TIAM1: variants seen among roughly 807,000 people sequenced by gnomAD.
The protein encoded by TIAM1 is rho guanine nucleotide exchange factor TIAM1.
A neutral mutation model predicts 163.5 loss-of-function variants in TIAM1; 65 were observed. The ratio of observed to expected loss-of-function variants is 0.40; its 90% CI spans 0.33 to 0.49. TIAM1 has a LOEUF of 0.49. Among genes scored for constraint, TIAM1 ranks in the 20% least tolerant of loss-of-function variants. TIAM1 has a pLI of 0.77. For synonymous variants in TIAM1, 833 were observed against 810.1 expected, an observed-to-expected ratio of 1.03 and a Z score of -0.48; for missense variants, 1,789 against 2,044.7, an observed-to-expected ratio of 0.87 and a Z score of 2.41.
At chr21:31,392,795 G>A (rs182017896) in intron 2 of TIAM1, among the ~76,000 whole-genome samples, 60 of 151,992 alleles carry the variant, frequency 3.9e-4, no homozygotes, top group African/African-American at 1.4e-3. Flanking sequence ...AGTGGGTTAA[G>A]AGAGACTGGC....
At chr21:31,510,116 T>C (rs2147469316) in intron 1 of TIAM1, among the ~76,000 whole-genome samples, 1 of 152,344 alleles carries the variant, frequency 6.6e-6, no homozygotes, top group Admixed American at 6.5e-5. Flanking sequence ...ATCAGTTTGC[T>C]AGGCTTGCCA....
intron 2 of TIAM1, among the ~76,000 whole-genome samples, chr21:31,425,166 C>T (rs2043739430): frequency 6.6e-6 from 1 of 152,106 alleles, no homozygotes. Flanking sequence ...AGTCTCCTAA[C>T]TCTCATCCTG....
At chr21:31,365,650 C>G (rs1274195279) in intron 2 of TIAM1, among the ~76,000 whole-genome samples, 1 of 151,864 alleles carries the variant, frequency 6.6e-6, no homozygotes, top group Non-Finnish European at 1.5e-5. Context: ...CTCGGCCTCC[C>G]AAAGTGCGGG....
In TIAM1 at chr21:31,390,919, G is replaced by A. The variant is rs544893707; in HGVS notation, c.-368-51497C>T. On this transcript the variant is annotated intron_variant, in intron 2 of 28. Coordinates refer to the TIAM1 transcript ENST00000286827. ...AAACCAGACCAGTATTCAAAGATTC[G>A]TAGTAGGACCTGGGCACGCACATCA... 8.5e-5 allele frequency among the ~76,000 whole-genome samples: 13 copies of A among 152,194 alleles called. No homozygotes were observed. In the South Asian group the frequency reaches 1.5e-3, roughly 17 times the overall value.
upstream of TIAM1, among the ~76,000 whole-genome samples, chr21:31,348,223 A>G (rs571102913): frequency 2.6e-5 from 4 of 152,330 alleles, no homozygotes; most frequent in African/African-American, 9.6e-5. Context: ...GGGTCTCCAG[A>G]ACCAACTTGG....
chr21:31,543,990 C>T (rs559803133), intron 1 of TIAM1, among the ~76,000 whole-genome samples: 2 of 151,292 alleles, frequency 1.3e-5, no homozygotes, highest in East Asian at 2.0e-4. Flanking sequence ...GTGGGCAGAT[C>T]GTTCAAGTCA....
At chr21:31,495,192 G>A (rs1014790351) in intron 1 of TIAM1, among the ~76,000 whole-genome samples, 2 of 152,200 alleles carry the variant, frequency 1.3e-5, no homozygotes, top group African/African-American at 2.4e-5. Flanking sequence ...TTTTGGTAAC[G>A]TGTATGTCTT....
At chr21:31,320,695 GA>G (rs530639723) in intron 2 of TIAM1, among the ~76,000 whole-genome samples, 114 of 152,130 alleles carry the variant, frequency 7.5e-4, no homozygotes, top group African/African-American at 2.7e-3. Context: ...ATGTGGAATT[GA>G]AAAAAAGGAG....
At chr21:31,335,345 A>G (rs1282739811) in intron 2 of TIAM1, among the ~76,000 whole-genome samples, 1 of 152,232 alleles carries the variant, frequency 6.6e-6, no homozygotes, top group Non-Finnish European at 1.5e-5. Context: ...TATTTCAGAC[A>G]ATAATGACTT....
intron 13 of TIAM1, among the ~76,000 whole-genome samples, chr21:31,188,337 G>T (rs1252275183): frequency 6.6e-6 from 1 of 151,982 alleles, no homozygotes; most frequent in Admixed American, 6.6e-5. Flanking sequence ...CTAACTTTCA[G>T]ATTAAGTGTC....
intron 7 of TIAM1, 87 bp from the exon 8 acceptor site, chr21:31,223,678 G>T (rs1238230600): frequency 3.8e-6 from 5 of 1,315,686 alleles, no homozygotes; most frequent in Non-Finnish European, 2.0e-6. Flanking sequence ...TCTATATGTC[G>T]TAAAGGCATT....
intron 1 of TIAM1, among the ~76,000 whole-genome samples, chr21:31,542,340 T>G (rs2048347280): frequency 6.6e-6 from 1 of 150,872 alleles, no homozygotes; most frequent in African/African-American, 2.5e-5. Flanking sequence ...GGCAGGAGAA[T>G]GGCGTGAACC....
intron 23 of TIAM1, among the ~76,000 whole-genome samples, chr21:31,134,840 AAC>A: frequency 6.6e-6 from 1 of 152,288 alleles, no homozygotes; most frequent in South Asian, 2.1e-4. Context: ...AAATGACCTC[AAC>A]AGCTACAGGG....
At chr21:31,447,267 G>A (rs1400193967) in intron 2 of TIAM1, among the ~76,000 whole-genome samples, 4 of 151,974 alleles carry the variant, frequency 2.6e-5, no homozygotes, top group African/African-American at 4.8e-5. Context: ...GGTAGCAACT[G>A]GGAAAAAAAT....
At chr21:31,486,419 C>A (rs1360041171) in intron 1 of TIAM1, among the ~76,000 whole-genome samples, 1 of 152,270 alleles carries the variant, frequency 6.6e-6, no homozygotes, top group African/African-American at 2.4e-5. Flanking sequence ...CGCTGTCCTG[C>A]ATCATCCTAC....
upstream of TIAM1, among the ~76,000 whole-genome samples, chr21:31,347,731 C>T (rs1205181889): frequency 1.3e-5 from 2 of 152,072 alleles, no homozygotes; most frequent in Non-Finnish European, 2.9e-5. Context: ...AGAAAAGATG[C>T]ATGCACGGAC....
chr21:31,310,808 C>T (rs1216870895), intron 2 of TIAM1, among the ~76,000 whole-genome samples: 1 of 152,130 alleles, frequency 6.6e-6, no homozygotes, highest in African/African-American at 2.4e-5. Context: ...TTACACAATG[C>T]AGGATGAGAG....
chr21:31,453,623 G>A (rs2147331808), intron 2 of TIAM1, among the ~76,000 whole-genome samples: 1 of 152,034 alleles, frequency 6.6e-6, no homozygotes, highest in African/African-American at 2.4e-5. Flanking sequence ...AACCCAGGAG[G>A]CAGAGGTTGC....
chr21:31,436,584 G>T (rs2044217584), intron 2 of TIAM1, among the ~76,000 whole-genome samples: 1 of 151,928 alleles, frequency 6.6e-6, no homozygotes. Context: ...CTGAGATGGA[G>T]ATCACACCAC....
Sources: allele counts gnomAD v4.1 joint callset (sites outside exome capture counted in the v4.1 genomes callset), GRCh38; gene constraint gnomAD v4.1.1; transcripts MANE v1.5; gene names NCBI Gene and HGNC (gene_info 2026-07-23, HGNC 2026-07-21).